POMK: variants seen among roughly 807,000 people sequenced by gnomAD.
POMK encodes Sugen kinase 196.
POMK carries 19 observed loss-of-function variants against 23.0 expected under a neutral mutation model. The ratio of observed to expected loss-of-function variants is 0.83; its 90% CI spans 0.58 to 1.21. The LOEUF is 1.21. Ranked by LOEUF, POMK falls within the 50% of genes most tolerant of loss-of-function variation. The pLI is 0.00. For missense variants in POMK, 410 were observed against 431.3 expected, an observed-to-expected ratio of 0.95 and a Z score of 0.44; for synonymous variants, 173 against 171.6, an observed-to-expected ratio of 1.01 and a Z score of -0.06.
chr8:43,099,658 A>G (rs1269098954), intron 2 of POMK, among the ~76,000 whole-genome samples: 1 of 152,204 alleles, frequency 6.6e-6, no homozygotes, highest in African/African-American at 2.4e-5. Flanking sequence ...GACTGTGATA[A>G]GGTCAGTTTG....
chr8:43,095,748 C>G (rs1811321379), intron 1 of POMK, among the ~76,000 whole-genome samples: 1 of 152,190 alleles, frequency 6.6e-6, no homozygotes, highest in Admixed American at 6.5e-5. Flanking sequence ...CTTTTACATT[C>G]ATAACTATTC....
intron 4 of POMK, among the ~76,000 whole-genome samples, chr8:43,120,090 AGAC>A (rs1208405405): frequency 2.0e-5 from 3 of 152,134 alleles, no homozygotes; most frequent in African/African-American, 7.2e-5. Flanking sequence ...TACCACATAA[AGAC>A]AACTAAGGCA....
chr8:43,094,257 G>C (rs1388619196), intron 1 of POMK, among the ~76,000 whole-genome samples: 2 of 151,912 alleles, frequency 1.3e-5, no homozygotes, highest in African/African-American at 4.8e-5. Flanking sequence ...GGCTGGTCTC[G>C]AACGCCTGAC....
Position 43,107,414 on chromosome 8 carries a change from G to A in POMK, c.282+3584G>A, listed in dbSNP as rs1312052514. On this transcript the variant is annotated intron_variant, in intron 4 of 4. Transcript: ENST00000331373. The stretch of plus-strand genomic sequence containing the variant: ...TTCCGAGATGGAGCCTTGCTCTGTC[G>A]CCCAGGCTGGAGTGCAGTGGCGTGA... 8.6e-5 allele frequency among the ~76,000 whole-genome samples: 13 copies of A among 151,964 alleles called. 1 individual carries two copies. The highest frequency in any genetic ancestry group is 5.9e-4 in the Admixed American group (9 of 15,278).
rs2130626660 is a variant in POMK at position 43,122,305 on chromosome 8, G to A, written c.481G>A (p.Glu161Lys). ...YHPLGSLSNL[E>K]ETLNLSKYQN... ...CCCTCTAGGTTCCTTGAGTAACCTG[G>A]AAGAAACACTAAACCTTTCAAAGTA... The change falls in exon 5 of 5, where the codon GAA (glutamate) becomes AAA (lysine). Residue 161 changes from glutamate to lysine, a missense_variant. Physicochemically the swap from Glu to Lys is moderately conservative, Grantham distance 56. Coordinates refer to ENST00000331373, the MANE Select transcript of POMK (RefSeq NM_032237.5). The A allele has an allele frequency of 6.2e-7, 1 of 1,614,164 alleles. No individual in the cohort carries two copies. Among genetic ancestry groups the A allele is most frequent in the East Asian group, 2.2e-5 (1 of 44,884 alleles).
At chr8:43,103,853 T>C (rs767010506) in intron 4 of POMK, 23 bp downstream of exon 4, 286 of 1,611,792 alleles carry the variant, frequency 1.8e-4, no homozygotes, top group Non-Finnish European at 2.0e-5. Context: ...TCATTTGCGA[T>C]TGCTGTCATC....
rs1811492587 is a variant in POMK at position 43,103,746 on chromosome 8, A to G, written c.198A>G (p.Lys66=). ...GTCACTTCAGGATAGGACAGATGAA[A>G]AACTGCTCACCTTGGCTGTCCTGCG... The part of the protein sequence containing the change: ...PYGHFRIGQM[K]NCSPWLSCEE... Residue 66 remains lysine (K), a synonymous_variant, in exon 4 of 5, where the codon AAA becomes AAG. Coordinates refer to ENST00000331373, the MANE Select transcript of POMK (RefSeq NM_032237.5). 1.2e-6 allele frequency: 2 copies of G among 1,614,222 alleles called. No homozygotes were observed. The highest frequency in any genetic ancestry group is 1.7e-6 in the Non-Finnish European group (2 of 1,180,030).
At chr8:43,116,619 G>A (rs1398643456) in intron 4 of POMK, among the ~76,000 whole-genome samples, 1 of 152,134 alleles carries the variant, frequency 6.6e-6, no homozygotes, top group Non-Finnish European at 1.5e-5. Flanking sequence ...GATCTCATAG[G>A]TAATACATTG....
chr8:43,114,794 A>G (rs1193173275), intron 4 of POMK, among the ~76,000 whole-genome samples: 1 of 152,162 alleles, frequency 6.6e-6, no homozygotes, highest in Non-Finnish European at 1.5e-5. Flanking sequence ...AGATTACATT[A>G]AAAGAACCAG....
In POMK at chr8:43,122,145, C is replaced by A; in HGVS notation, c.321C>A (p.Leu107=). The A allele has an allele frequency of 6.2e-7, 1 of 1,614,210 alleles. No homozygotes were observed. The highest frequency in any genetic ancestry group is 8.5e-7 in the Non-Finnish European group (1 of 1,180,030). ...AGTGGAAGGAGCACAAAGTTGCACT[C>A]TCACAGCTCACCAGCCTGGAGATGA... ...LSEWKEHKVA[L]SQLTSLEMKD... The change falls in exon 5 of 5, where the codon CTC becomes CTA. Residue 107 remains leucine (L), a synonymous_variant. Coordinates refer to ENST00000331373, the MANE Select transcript of POMK (RefSeq NM_032237.5).
chr8:43,121,989 A>C (rs1586680736), intron 4 of POMK, 118 bp from the exon 5 acceptor site: 5 of 983,744 alleles, frequency 5.1e-6, no homozygotes, highest in Non-Finnish European at 7.7e-6. Flanking sequence ...TGGGGTCTGC[A>C]CCTTGTTAAT....
intron 4 of POMK, among the ~76,000 whole-genome samples, chr8:43,107,773 C>T (rs369005298): frequency 4.7e-4 from 72 of 152,140 alleles, no homozygotes; most frequent in Middle Eastern, 6.8e-3. Context: ...CTCCGCCTCC[C>T]GGGTTCAAGC....
intron 4 of POMK, among the ~76,000 whole-genome samples, chr8:43,107,991 T>C (rs1811578599): frequency 6.6e-6 from 1 of 152,226 alleles, no homozygotes; most frequent in South Asian, 2.1e-4. Flanking sequence ...CTAGAATAAT[T>C]ATTTTTTACA....
rs757971988 is a variant in POMK at position 43,122,434 on chromosome 8, G to A, written c.610G>A (p.Asp204Asn). 4 of 1,614,138 alleles carry A rather than the reference G, an allele frequency of 2.5e-6. No homozygotes were observed. The highest frequency in any genetic ancestry group is 2.2e-5 in the East Asian group (1 of 44,874). Residue 204 changes from aspartate to asparagine, a missense_variant, in exon 5 of 5, where the codon GAC becomes AAC. Physicochemically the swap from Asp to Asn is conservative, Grantham distance 23 (BLOSUM62 1). Transcript: ENST00000331373. Reference sequence around the variant, plus strand: ...CCCTGTGGGCACACGGGTCATGTGCGACTCCAACGACCTGCCGAAGACACT... The same window carrying A: ...CCCTGTGGGCACACGGGTCATGTGCAACTCCAACGACCTGCCGAAGACACT... ...HSPVGTRVMCDSNDLPKTLSQ... is the reference protein window; with the variant it reads ...HSPVGTRVMCNSNDLPKTLSQ...
chr8:43,113,691 T>G (rs1403971191), intron 4 of POMK, among the ~76,000 whole-genome samples: 3 of 152,322 alleles, frequency 2.0e-5, no homozygotes, highest in African/African-American at 7.2e-5. Context: ...ACGCTCTGCT[T>G]TTTAGAGTTT....
chr8:43,118,016 T>C (rs903693755), intron 4 of POMK, among the ~76,000 whole-genome samples: 3 of 152,332 alleles, frequency 2.0e-5, no homozygotes, highest in South Asian at 4.1e-4. Flanking sequence ...ATAGATCATA[T>C]AAGATCTTAT....
At chr8:43,114,542 GC>G (rs2130616185) in intron 4 of POMK, among the ~76,000 whole-genome samples, 1 of 152,328 alleles carries the variant, frequency 6.6e-6, no homozygotes, top group South Asian at 2.1e-4. Flanking sequence ...GAAAGGGAAT[GC>G]CCTGACCCCT....
At chr8:43,109,336 C>G (rs1433595344) in intron 4 of POMK, among the ~76,000 whole-genome samples, 1 of 152,038 alleles carries the variant, frequency 6.6e-6, no homozygotes, top group Non-Finnish European at 1.5e-5. Flanking sequence ...CCTCTCTCTC[C>G]CCTCCCCCTT....
At chr8:43,115,987 T>C (rs1811791094) in intron 4 of POMK, among the ~76,000 whole-genome samples, 1 of 152,238 alleles carries the variant, frequency 6.6e-6, no homozygotes, top group African/African-American at 2.4e-5. Context: ...AAATAACAAG[T>C]GGTTCCTTCC....
Sources: allele counts gnomAD v4.1 joint callset (sites outside exome capture counted in the v4.1 genomes callset), GRCh38; gene constraint gnomAD v4.1.1; transcripts MANE v1.5; gene names NCBI Gene and HGNC (gene_info 2026-07-23, HGNC 2026-07-21).